Variants in ALMS1 observed in about 807,000 individuals in gnomAD.
The protein encoded by ALMS1 is centrosome-associated protein ALMS1.
Under a neutral mutation model 352.2 loss-of-function variants are expected in ALMS1, and 271 were observed. The ratio of observed to expected loss-of-function variants is 0.77; its 90% confidence interval spans 0.70 to 0.85. ALMS1 has a LOEUF of 0.85. ALMS1 is among the 40% of genes least tolerant of loss of function. ALMS1 has a pLI of 0.00. For synonymous variants in ALMS1, 1,865 were observed against 1,761.2 expected, an observed-to-expected ratio of 1.06 and a Z score of -1.48; for missense variants, 5,445 against 4,870.7, an observed-to-expected ratio of 1.12 and a Z score of -3.51.
At chr2:73,546,444 C>T (rs894690337) in intron 12 of ALMS1, among the ~76,000 whole-genome samples, 17 of 152,218 alleles carry the variant, frequency 1.1e-4, no homozygotes, top group African/African-American at 1.2e-4. Flanking sequence ...CTGTGTTCCA[C>T]GCAGATACAC....
chr2:73,405,516 A>G (rs984854484), intron 1 of ALMS1, among the ~76,000 whole-genome samples: 2 of 149,174 alleles, frequency 1.3e-5, no homozygotes, highest in Non-Finnish European at 3.0e-5. Context: ...TTTTGTTTAT[A>G]TTTTCAAATA....
chr2:73,597,234 C>A (rs1388842419), intron 16 of ALMS1, among the ~76,000 whole-genome samples: 1 of 152,104 alleles, frequency 6.6e-6, no homozygotes, highest in Non-Finnish European at 1.5e-5. Flanking sequence ...TTGTCACTTG[C>A]TAGAATGTAG....
At chr2:73,593,125 A>ACT (rs1675466584) in intron 16 of ALMS1, among the ~76,000 whole-genome samples, 1 of 149,830 alleles carries the variant, frequency 6.7e-6, no homozygotes, top group Non-Finnish European at 1.5e-5. Flanking sequence ...GATGCGTGGG[A>ACT]CTCTCCCACG....
At chr2:73,425,500 A>G (rs7598396) in intron 5 of ALMS1, among the ~76,000 whole-genome samples, 45,898 of 151,984 alleles carry the variant, frequency 0.3, 8,522 homozygotes, top group African/African-American at 0.53. Context: ...ATATCAGAAC[A>G]ACTGTATTTT....
intron 7 of ALMS1, among the ~76,000 whole-genome samples, chr2:73,443,275 T>C (rs1314268839): frequency 6.6e-6 from 1 of 152,148 alleles, no homozygotes; most frequent in Non-Finnish European, 1.5e-5. Flanking sequence ...GCCTTATACT[T>C]GCCTCTTTTT....
chr2:73,563,249 A>T (rs1194623253), intron 15 of ALMS1, among the ~76,000 whole-genome samples: 1 of 152,178 alleles, frequency 6.6e-6, no homozygotes, highest in East Asian at 1.9e-4. Context: ...ATTAATATAG[A>T]TGAGGTTAAA....
chr2:73,602,354 C>A lies in ALMS1; in HGVS notation c.12284C>A (p.Pro4095Gln). 1 of 1,614,130 alleles carries A rather than the reference C, an allele frequency of 6.2e-7. No homozygotes were observed. Among genetic ancestry groups the A allele is most frequent in the African/African-American group, 1.3e-5 (1 of 75,044 alleles). The change falls in exon 20 of 23, where the codon CCG becomes CAG. Residue 4095 changes from proline to glutamine, a missense_variant. Physicochemically the swap from Pro to Gln is moderately conservative, Grantham distance 76. Coordinates refer to ENST00000613296, the MANE Select transcript of ALMS1 (RefSeq NM_001378454.1). The part of the protein sequence containing the change: ...ERQGHQNRMC[P>Q]LPKRVFLAIQ... Reference sequence around the variant, plus strand: ...CAGGGCCACCAGAATCGCATGTGCCCGCTGCCCAAGAGAGGTACGCCCTGC... The same window carrying A: ...CAGGGCCACCAGAATCGCATGTGCCAGCTGCCCAAGAGAGGTACGCCCTGC...
At chr2:73,563,731 A>AC (rs974257137) in intron 15 of ALMS1, among the ~76,000 whole-genome samples, 1 of 139,804 alleles carries the variant, frequency 7.2e-6, no homozygotes, top group East Asian at 2.0e-4. Flanking sequence ...TCAAAAAAAA[A>AC]AAAAAAAAAT....
At chr2:73,571,824 T>C (rs1313861372) in intron 15 of ALMS1, among the ~76,000 whole-genome samples, 1 of 152,154 alleles carries the variant, frequency 6.6e-6, no homozygotes, top group Non-Finnish European at 1.5e-5. Context: ...ATCCATTTAA[T>C]TACTGACTAT....
intron 11 of ALMS1, among the ~76,000 whole-genome samples, chr2:73,521,147 A>C (rs894385592): frequency 2.0e-5 from 3 of 152,174 alleles, no homozygotes; most frequent in Non-Finnish European, 2.9e-5. Context: ...CATACCAAAA[A>C]TATATATATA....
chr2:73,490,878 G>T lies in ALMS1; in HGVS notation c.8919G>T (p.Ala2973=), dbSNP rs116854981. The T allele has an allele frequency of 3.7e-6, 6 of 1,613,970 alleles. No individual in the cohort carries two copies. The highest frequency in any genetic ancestry group is 5.1e-6 in the Non-Finnish European group (6 of 1,180,000). The change falls in exon 10 of 23, where the codon GCG becomes GCT. Residue 2973 remains alanine, a synonymous_variant. Transcript: ENST00000613296. ...PISLEQCQSK[A]PGVDDQMNKH... The stretch of plus-strand genomic sequence containing the variant: ...CTCTTGAACAATGCCAAAGCAAAGC[G>T]CCAGGTGTAGATGACCAAATGAATA...
intron 15 of ALMS1, among the ~76,000 whole-genome samples, chr2:73,562,166 T>C (rs1245380820): frequency 6.6e-6 from 1 of 152,028 alleles, no homozygotes; most frequent in Non-Finnish European, 1.5e-5. Context: ...TATGTATGTA[T>C]GTATGTATGT....
At chr2:73,420,950 C>T (rs764356195) in intron 3 of ALMS1, among the ~76,000 whole-genome samples, 2 of 152,130 alleles carry the variant, frequency 1.3e-5, no homozygotes, top group Non-Finnish European at 2.9e-5. Context: ...TAACAGATAT[C>T]CACACTTGAG....
intron 3 of ALMS1, among the ~76,000 whole-genome samples, chr2:73,419,714 T>C (rs1378409102): frequency 6.6e-6 from 1 of 152,206 alleles, no homozygotes; most frequent in African/African-American, 2.4e-5. Flanking sequence ...ATTTTTAGAA[T>C]TAATTAAGGC....
At chr2:73,514,663 T>C (rs1266411063) in intron 10 of ALMS1, among the ~76,000 whole-genome samples, 1 of 152,230 alleles carries the variant, frequency 6.6e-6, no homozygotes, top group Non-Finnish European at 1.5e-5. Context: ...CTTTAAGTGT[T>C]CTGCATTCTT....
chr2:73,433,739 C>T (rs550527519), intron 7 of ALMS1, among the ~76,000 whole-genome samples: 5 of 152,210 alleles, frequency 3.3e-5, no homozygotes, highest in African/African-American at 1.2e-4. Flanking sequence ...GTGAAACTAC[C>T]TGGGCTGTTC....
At chr2:73,548,691 T>C (rs1398556585) in intron 12 of ALMS1, among the ~76,000 whole-genome samples, 1 of 152,206 alleles carries the variant, frequency 6.6e-6, no homozygotes, top group East Asian at 1.9e-4. Context: ...ACATCTTTTC[T>C]AATTTCCATA....
chr2:73,505,308 C>T (rs1673298261), intron 10 of ALMS1, among the ~76,000 whole-genome samples: 1 of 152,206 alleles, frequency 6.6e-6, no homozygotes, highest in Non-Finnish European at 1.5e-5. Context: ...CTGTCTTCCA[C>T]AATGGTTGAA....
In ALMS1 at chr2:73,449,203, A is replaced by G. The variant is rs745887923; in HGVS notation, c.2676A>G (p.Gly892=). The change falls in exon 8 of 23, where the codon GGA becomes GGG. Residue 892 remains glycine (G), a synonymous_variant. Coordinates refer to ENST00000613296, the MANE Select transcript of ALMS1 (RefSeq NM_001378454.1). ...EEALKVSIVP[G]PGDQKTGIPS... ...CTCTGAAAGTATCAATTGTTCCTGG[A>G]CCAGGTGATCAGAAGACTGGGATAC... is the stretch of plus-strand genomic sequence containing the variant. The G allele has an allele frequency of 6.8e-6, 11 of 1,613,994 alleles. No homozygotes were observed. The highest frequency in any genetic ancestry group is 8.5e-6 in the Non-Finnish European group (10 of 1,180,008).
Sources: gnomAD v4.1 joint callset for allele counts (sites outside exome capture counted in the v4.1 genomes callset) on GRCh38, gnomAD v4.1.1 for gene constraint, MANE v1.5 for transcripts, NCBI Gene and HGNC (gene_info 2026-07-23, HGNC 2026-07-21) for gene names.